Variants in ABCF1 observed in about 807,000 individuals in gnomAD.
ABCF1 encodes ATP-binding cassette sub-family F member 1.
In ABCF1, 73 loss-of-function variants were observed where a neutral mutation model predicts 126.3. The observed-to-expected ratio is 0.58, with a 90% CI of 0.48 to 0.70. ABCF1 has a LOEUF of 0.70. ABCF1 is among the 30% of genes least tolerant of loss of function. The probability of loss-of-function intolerance (pLI) is 0.00; values close to 1 mark genes in which losing one functional copy is unlikely to be tolerated. For synonymous variants in ABCF1, 345 were observed against 396.4 expected (o/e 0.87, Z 1.54); for missense variants, 786 against 1,057.5 (o/e 0.74, Z 3.56).
rs6902544 is a variant in ABCF1, at chr6:30,580,433, A to G, written c.592A>G (p.Asn198Asp). The change falls in exon 8 of 25, where the codon AAT (asparagine) becomes GAT (aspartate). Residue 198 changes from asparagine to aspartate, a missense_variant. Coordinates refer to ENST00000326195, the MANE Select transcript of ABCF1 (RefSeq NM_001025091.2). ...TCAAAATAAATTCGCTGCTCTGGAC[A>G]ATGAAGAGGAGGATAAAGAAGAAGA... ...KPQNKFAALD[N>D]EEEDKEEEII... 13,435 of 1,541,118 alleles carry G rather than the reference A, an allele frequency of 8.7e-3. 111 individuals carry two copies. Among genetic ancestry groups the G allele is most frequent in the African/African-American group, 0.028 (1,970 of 69,358 alleles).
chr6:30,589,910 C>G lies in ABCF1; in HGVS notation c.2169C>G (p.Arg723=). 6.2e-7 allele frequency: 1 copy of G among 1,614,194 alleles called. No individual in the cohort carries two copies. Among genetic ancestry groups the G allele is most frequent in the Non-Finnish European group, 8.5e-7 (1 of 1,180,048 alleles). ...RGFNLPYQDA[R]KCLGRFGLES... ...TCAACCTGCCCTACCAGGATGCCCG[C>G]AAGTGCCTGGGCCGCTTCGGCCTGG... Residue 723 remains arginine (R), a synonymous_variant, in exon 22 of 25, where the codon CGC becomes CGG. Coordinates refer to ENST00000326195, the MANE Select transcript of ABCF1 (RefSeq NM_001025091.2).
At chr6:30,577,336 G>A in intron 1 of ABCF1, 73 bp from the exon 2 acceptor site, 2 of 1,429,240 alleles carry the variant, frequency 1.4e-6, no homozygotes, top group Non-Finnish European at 1.9e-6. Flanking sequence ...AGGCTACAGA[G>A]ATCTTTGCAG....
chr6:30,587,974 C>G (rs1464413199), intron 20 of ABCF1, among the ~76,000 whole-genome samples: 1 of 151,860 alleles, frequency 6.6e-6, no homozygotes, highest in Non-Finnish European at 1.5e-5. Flanking sequence ...GCGATCTTGG[C>G]CCACTGCAAC....
Position 30,585,660 on chromosome 6 carries a change from C to A in ABCF1, c.1578C>A (p.Leu526=). The A allele has an allele frequency of 6.2e-7, 1 of 1,613,014 alleles. No homozygotes were observed. Among genetic ancestry groups the A allele is most frequent in the Non-Finnish European group, 8.5e-7 (1 of 1,180,024 alleles). The change falls in exon 16 of 25, where the codon CTC becomes CTA. Residue 526 remains leucine (L), a synonymous_variant. Coordinates refer to ENST00000326195, the MANE Select transcript of ABCF1 (RefSeq NM_001025091.2). ...TDIIHLDAQR[L]HYYRGNYMTF... ...TCATCCACCTCGATGCCCAGCGGCT[C>A]CACTACTATAGGGGCAATTACAGTA...
At chr6:30,585,775 A>G (rs1802085946) in intron 16 of ABCF1, 93 bp downstream of exon 16, 1 of 1,574,488 alleles carries the variant, frequency 6.4e-7, no homozygotes, top group Non-Finnish European at 8.7e-7. Context: ...GAATCCTGTC[A>G]GAATTCCAGA....
chr6:30,586,393 C>G lies in ABCF1; in HGVS notation c.1886-81C>G. The G allele has an allele frequency of 1.2e-6, 2 of 1,607,454 alleles. No individual in the cohort carries two copies. Among genetic ancestry groups the G allele is most frequent in the South Asian group, 2.2e-5 (2 of 90,506 alleles). Reference sequence around the variant, plus strand: ...ATTCTCCACCAAGGCTGAGATTGCTCCTGTTCTCCAAGGCCAGCACATGAG... The same window carrying G: ...ATTCTCCACCAAGGCTGAGATTGCTGCTGTTCTCCAAGGCCAGCACATGAG... On this transcript the variant is annotated intron_variant, in intron 18 of 24. Transcript: ENST00000326195. The surrounding 1 kb of genome is among the most constrained non-coding windows in gnomAD (Gnocchi z 4.9).
In ABCF1 at chr6:30,583,721, G is replaced by A. The variant is rs768742584; in HGVS notation, c.1016+13G>A. 1.1e-5 allele frequency: 17 copies of A among 1,613,960 alleles called. 1 individual carries two copies. The highest frequency in any genetic ancestry group is 2.2e-5 in the South Asian group (2 of 91,078). On this transcript the variant is annotated intron_variant, in intron 11 of 24. Coordinates refer to ENST00000326195, the MANE Select transcript of ABCF1 (RefSeq NM_001025091.2). The surrounding 1 kb of genome is among the most constrained non-coding windows in gnomAD (Gnocchi z 4.1). The stretch of plus-strand genomic sequence containing the variant: ...TAGGACCCAATGGGTGAGAAGAGGA[G>A]GGAGCTGGAGGCAAAAAAGGGCCTG...
At chr6:30,585,722 C>A in intron 16 of ABCF1, 40 bp downstream of exon 16, 1 of 1,607,666 alleles carries the variant, frequency 6.2e-7, no homozygotes, top group South Asian at 1.1e-5. Context: ...AGAGATAGAA[C>A]CTCGAAAAGA....
chr6:30,577,700 G>A, intron 2 of ABCF1, 118 bp from the exon 3 acceptor site: 3 of 1,059,408 alleles, frequency 2.8e-6, no homozygotes, highest in Non-Finnish European at 4.2e-6. Flanking sequence ...AAAAAAGAGA[G>A]AGACAGGAGG....
chr6:30,583,966 G>A lies in ABCF1; in HGVS notation c.1102+76G>A. 6.5e-7 allele frequency: 1 copy of A among 1,541,678 alleles called. No individual in the cohort carries two copies. The highest frequency in any genetic ancestry group is 8.9e-7 in the Non-Finnish European group (1 of 1,121,228). On this transcript the variant is annotated intron_variant, in intron 12 of 24. Transcript: ENST00000326195. This position sits in a 1 kb window ranked among gnomAD's most constrained non-coding sequence, Gnocchi z 4.1. Reference sequence around the variant, plus strand: ...AAAAGCCAGCCAGCCAAGAATAGAAGAAATTGTGGCTATGGAGTTGGAAGG... The same window carrying A: ...AAAAGCCAGCCAGCCAAGAATAGAAAAAATTGTGGCTATGGAGTTGGAAGG...
chr6:30,585,735 C>T (rs746213595), intron 16 of ABCF1, 53 bp downstream of exon 16: 19 of 1,604,216 alleles, frequency 1.2e-5, no homozygotes, highest in Admixed American at 1.7e-5. Context: ...CGAAAAGAGG[C>T]CTGAGTGGGA....
At chr6:30,578,307 G>A (rs764231660) in intron 4 of ABCF1, 41 bp from the exon 5 acceptor site, 15 of 1,613,984 alleles carry the variant, frequency 9.3e-6, no homozygotes, top group Admixed American at 3.3e-5. Flanking sequence ...GCCAGACATT[G>A]TAATTCTTTC....
chr6:30,576,456 T>G (rs1801508069), intron 1 of ABCF1, among the ~76,000 whole-genome samples: 1 of 151,560 alleles, frequency 6.6e-6, no homozygotes, highest in African/African-American at 2.4e-5. Context: ...CCTGGCTAAT[T>G]TTTTGTATTT....
intron 9 of ABCF1, 87 bp downstream of exon 9, chr6:30,582,594 G>T: frequency 1.5e-6 from 2 of 1,361,470 alleles, no homozygotes; most frequent in South Asian, 1.2e-5. Flanking sequence ...CGAAGGAAAG[G>T]TTTGGGGGCT....
Position 30,586,213 on chromosome 6 carries a change from C to G in ABCF1, c.1793C>G (p.Ala598Gly), listed in dbSNP as rs143395687. The G allele has an allele frequency of 4.4e-5, 71 of 1,614,072 alleles. 1 individual carries two copies. The African/African-American group carries it at 8.0e-4, about 18-fold the overall frequency. ...AACCAAGATGAGGAATCCCAGGAGG[C>G]CCCTGAGCTCCTGAAGCGCCCTAAG... is the stretch of plus-strand genomic sequence containing the variant. ...RKNQDEESQEAPELLKRPKEY... is the reference protein window; with the variant it reads ...RKNQDEESQEGPELLKRPKEY... The change falls in exon 18 of 25, where the codon GCC (alanine) becomes GGC (glycine). Residue 598 changes from alanine to glycine, a missense_variant. By Grantham distance (60) the Ala-to-Gly change is moderately conservative. Around this residue, in one of 4 missense-constraint regions of ABCF1, gnomAD observed 288 missense variants for 423.5 expected, o/e 0.68. Coordinates refer to ENST00000326195, the MANE Select transcript of ABCF1 (RefSeq NM_001025091.2). This position sits in a 1 kb window ranked among gnomAD's most constrained non-coding sequence, Gnocchi z 4.9.
At position 30,580,398 on chromosome 6, in the gene ABCF1, C is replaced by T; in HGVS notation, c.565-8C>T. The T allele has an allele frequency of 6.7e-7, 1 of 1,496,926 alleles. No homozygotes were observed. The highest frequency in any genetic ancestry group is 8.9e-7 in the Non-Finnish European group (1 of 1,119,810). The allele number at this position is 1,496,926 out of a possible 1,614,324, so 92.7% of individuals were successfully genotyped here. A position where few individuals can be genotyped will look rare whatever the true frequency, so the allele number is the denominator to read the frequency against. On this transcript the variant is annotated splice_region_variant and splice_polypyrimidine_tract_variant and intron_variant, in intron 7 of 24. Coordinates refer to ENST00000326195, the MANE Select transcript of ABCF1 (RefSeq NM_001025091.2). ...AACATTTCATCAGACCTGTCTTTTC[C>T]CTATTAGCCTCAAAATAAATTCGCT...
Position 30,586,251 on chromosome 6 carries a change from C to T in ABCF1, c.1831C>T (p.Arg611Cys), listed in dbSNP as rs753706664. 5.0e-6 allele frequency: 8 copies of T among 1,613,052 alleles called. No individual in the cohort carries two copies. The highest frequency in any genetic ancestry group is 2.2e-5 in the South Asian group (2 of 91,008). The change falls in exon 18 of 25, where the codon CGC becomes TGC. Residue 611 changes from arginine (R) to cysteine (C), a missense_variant. Physicochemically the swap from Arg to Cys is radical, Grantham distance 180. Transcript: ENST00000326195. This position sits in a 1 kb window ranked among gnomAD's most constrained non-coding sequence, Gnocchi z 4.9. ...LLKRPKEYTVRFTFPDPPPLS... is the reference protein window; with the variant it reads ...LLKRPKEYTVCFTFPDPPPLS... ...GAAGCGCCCTAAGGAGTACACTGTG[C>T]GCTTCACTTTTCCAGACCCCCCACC...
chr6:30,590,038 T>A lies in ABCF1; in HGVS notation c.2233+64T>A, dbSNP rs145498504. 8.4e-3 allele frequency: 13,417 copies of A among 1,605,840 alleles called. 93 individuals carry two copies. Among genetic ancestry groups the A allele is most frequent in the Middle Eastern group, 0.028 (141 of 5,074 alleles). The stretch of plus-strand genomic sequence containing the variant: ...ATCATTCATGTCTACAAACTGTACC[T>A]AGAGGAACCGAGAATGAGGGAGCCT... On this transcript the variant is annotated intron_variant, in intron 22 of 24. Transcript: ENST00000326195.
At chr6:30,590,011 T>A (rs1236525104) in intron 22 of ABCF1, 37 bp downstream of exon 22, 1 of 1,608,434 alleles carries the variant, frequency 6.2e-7, no homozygotes, top group Admixed American at 1.7e-5. Flanking sequence ...GCCCTTCACC[T>A]TATCATTCAT....
Sources: gnomAD v4.1 joint callset for allele counts (sites outside exome capture counted in the v4.1 genomes callset) on GRCh38, gnomAD v4.1.1 for gene constraint, gnomAD v4.1.1 regional missense constraint, Gnocchi (gnomAD v3.1) non-coding constraint, MANE v1.5 for transcripts, NCBI Gene and HGNC (gene_info 2026-07-23, HGNC 2026-07-21) for gene names.